The following MYO3A variants were observed in gnomAD, a reference collection of about 807,000 sequenced individuals.
MYO3A encodes myosin IIIA, also known as myosin-IIIa.
In MYO3A, 180 loss-of-function variants were observed where a neutral mutation model predicts 192.7. That is an observed-to-expected ratio of 0.93 (90% CI 0.83 to 1.06). MYO3A has a LOEUF of 1.06. MYO3A is among the 50% of genes least tolerant of loss of function. The probability of loss-of-function intolerance (pLI) is 0.00; values close to 1 mark genes in which losing one functional copy is unlikely to be tolerated. For missense variants in MYO3A, 1,896 were observed against 1,905.0 expected (o/e 1.00, Z 0.09); for synonymous variants, 628 against 645.3 (o/e 0.97, Z 0.41).
chr10:26,051,906 C>G (rs1844027955), intron 10 of MYO3A, among the ~76,000 whole-genome samples: 1 of 152,114 alleles, frequency 6.6e-6, no homozygotes, highest in African/African-American at 2.4e-5. Flanking sequence ...AAATATTTAT[C>G]TGATCCTTTA....
intron 2 of MYO3A, among the ~76,000 whole-genome samples, chr10:25,949,712 G>A (rs1315264105): frequency 6.6e-6 from 1 of 152,026 alleles, no homozygotes; most frequent in African/African-American, 2.4e-5. Context: ...ATCAGAATAT[G>A]CTCTTTATTG....
Position 25,992,124 on chromosome 10 carries a change from T to C in MYO3A, c.304-4366T>C, listed in dbSNP as rs187820178. ...TTGGGCAGTATGGCCATTTTCACAATATTGATTCTTCCTACCCATGAGCAT... is the reference window on the plus strand; with the variant it reads ...TTGGGCAGTATGGCCATTTTCACAACATTGATTCTTCCTACCCATGAGCAT... On this transcript the variant is annotated intron_variant, in intron 4 of 34. Transcript: ENST00000642920. Among the ~76,000 whole-genome samples the C allele has an allele frequency of 3.3e-5, 5 of 149,420 alleles. No homozygotes were observed. The South Asian group carries it at 6.3e-4, about 19-fold the overall frequency.
At chr10:25,974,459 C>T (rs1378640742) in intron 4 of MYO3A, among the ~76,000 whole-genome samples, 1 of 152,178 alleles carries the variant, frequency 6.6e-6, no homozygotes, top group Non-Finnish European at 1.5e-5. Context: ...CTCCCAAATA[C>T]AGTCAGAACC....
At chr10:25,987,897 T>C (rs1839752687) in intron 4 of MYO3A, among the ~76,000 whole-genome samples, 1 of 152,272 alleles carries the variant, frequency 6.6e-6, no homozygotes, top group East Asian at 1.9e-4. Flanking sequence ...AAGATATTTG[T>C]ACACACATGT....
At chr10:25,993,676 T>C (rs1197885084) in intron 4 of MYO3A, among the ~76,000 whole-genome samples, 1 of 152,260 alleles carries the variant, frequency 6.6e-6, no homozygotes, top group Admixed American at 6.5e-5. Flanking sequence ...CTCTACACAC[T>C]GCTTTAAATG....
intron 10 of MYO3A, among the ~76,000 whole-genome samples, chr10:26,064,335 T>C (rs531689831): frequency 2.0e-5 from 3 of 152,288 alleles, no homozygotes; most frequent in South Asian, 2.1e-4. Context: ...GCATGCTTAA[T>C]GTGTTCAAGA....
In MYO3A at chr10:26,095,901, T is replaced by C. The variant is rs554064948; in HGVS notation, c.1563-480T>C. The stretch of plus-strand genomic sequence containing the variant: ...AAATCCATATTAATCATCAACTCTG[T>C]GGCTTTGGGGGAGATTGACAGCTCT... On this transcript the variant is annotated intron_variant, in intron 15 of 34. Transcript: ENST00000642920. Among the ~76,000 whole-genome samples, 10 of 152,296 alleles carry C rather than the reference T, an allele frequency of 6.6e-5. No individual in the cohort carries two copies. The East Asian group carries it at 1.9e-3, about 29-fold the overall frequency.
At position 26,003,995 on chromosome 10, in the gene MYO3A, C is replaced by T. The variant is rs540912487; in HGVS notation, c.508+6737C>T. On this transcript the variant is annotated intron_variant, in intron 6 of 34. Coordinates refer to ENST00000642920, the MANE Select transcript of MYO3A (RefSeq NM_017433.5). ...TTAGCACCAAGTGAGGCAGTACACC[C>T]GAACTTAAAAATTATGGAGTGCCCT... Among the ~76,000 whole-genome samples, 22 of 152,222 alleles carry T rather than the reference C, an allele frequency of 1.4e-4. No homozygotes were observed. In the South Asian group the frequency reaches 4.1e-3, roughly 29 times the overall value.
intron 4 of MYO3A, among the ~76,000 whole-genome samples, chr10:25,979,573 G>A (rs139538610): frequency 5.3e-5 from 8 of 150,120 alleles, no homozygotes; most frequent in African/African-American, 1.7e-4. Context: ...ATATATGACA[G>A]CAGATTTAAT....
chr10:26,033,568 C>T (rs1842898255), intron 10 of MYO3A, among the ~76,000 whole-genome samples: 1 of 152,180 alleles, frequency 6.6e-6, no homozygotes, highest in Non-Finnish European at 1.5e-5. Flanking sequence ...ATTGAGATGA[C>T]ATCCATGTTG....
At chr10:26,037,258 G>A (rs1358358830) in intron 10 of MYO3A, among the ~76,000 whole-genome samples, 1 of 152,192 alleles carries the variant, frequency 6.6e-6, no homozygotes, top group Non-Finnish European at 1.5e-5. Context: ...CTCCAGTGCT[G>A]AGTCTAGTAC....
intron 27 of MYO3A, among the ~76,000 whole-genome samples, chr10:26,166,588 A>G (rs575372787): frequency 3.3e-5 from 5 of 152,252 alleles, no homozygotes; most frequent in Non-Finnish European, 5.9e-5. Context: ...AGAAAAATTT[A>G]TCTTGAAGAT....
intron 6 of MYO3A, among the ~76,000 whole-genome samples, chr10:26,011,492 A>AATCATTTC (rs1220961931): frequency 6.6e-6 from 1 of 152,170 alleles, no homozygotes; most frequent in Non-Finnish European, 1.5e-5. Context: ...ATTATTTAAA[A>AATCATTTC]ATCATTTCAA....
intron 32 of MYO3A, among the ~76,000 whole-genome samples, chr10:26,200,697 A>C (rs1249275946): frequency 6.6e-6 from 1 of 152,240 alleles, no homozygotes; most frequent in African/African-American, 2.4e-5. Context: ...TGATACATAA[A>C]GTTCTCAACT....
chr10:25,970,849 CATG>C (rs958924930), intron 4 of MYO3A, among the ~76,000 whole-genome samples: 1 of 151,838 alleles, frequency 6.6e-6, no homozygotes, highest in African/African-American at 2.4e-5. Context: ...TCTGGAAAGA[CATG>C]AGTTGTATAA....
intron 2 of MYO3A, among the ~76,000 whole-genome samples, chr10:25,951,872 G>A (rs1247644445): frequency 6.6e-6 from 1 of 152,050 alleles, no homozygotes; most frequent in Non-Finnish European, 1.5e-5. Flanking sequence ...GACTAGATTG[G>A]ACATAGAAAT....
At chr10:26,136,183 C>A (rs1839837326) in intron 20 of MYO3A, among the ~76,000 whole-genome samples, 1 of 152,076 alleles carries the variant, frequency 6.6e-6, no homozygotes, top group Non-Finnish European at 1.5e-5. Flanking sequence ...TCTCATTCTT[C>A]CTTCCTTGAC....
At chr10:26,031,978 A>G (rs1341981475) in intron 10 of MYO3A, among the ~76,000 whole-genome samples, 1 of 152,256 alleles carries the variant, frequency 6.6e-6, no homozygotes, top group Non-Finnish European at 1.5e-5. Context: ...TCATATTATT[A>G]ACATGTTAAC....
intron 28 of MYO3A, 77 bp from the exon 29 acceptor site, chr10:26,170,339 C>T (rs1841980856): frequency 6.7e-7 from 1 of 1,499,982 alleles, no homozygotes; most frequent in Non-Finnish European, 9.1e-7. Context: ...ATGGTCAAAG[C>T]CACCATTTCT....
Sources: allele counts gnomAD v4.1 joint callset (sites outside exome capture counted in the v4.1 genomes callset), GRCh38; gene constraint gnomAD v4.1.1; transcripts MANE v1.5; gene names NCBI Gene and HGNC (gene_info 2026-07-23, HGNC 2026-07-21).